PTPN4: variants seen among roughly 807,000 people sequenced by gnomAD.
PTPN4 encodes tyrosine-protein phosphatase non-receptor type 4.
In PTPN4, 49 loss-of-function variants were observed where a neutral mutation model predicts 135.5. The observed-to-expected ratio is 0.36, with a 90% CI of 0.29 to 0.46. The LOEUF is 0.46. Ranked by LOEUF, PTPN4 falls within the 20% of genes least tolerant of loss-of-function variation. PTPN4 has a pLI of 1.00. For missense variants in PTPN4, 860 were observed against 1,101.0 expected, an observed-to-expected ratio of 0.78 and a Z score of 3.10; for synonymous variants, 333 against 369.9, an observed-to-expected ratio of 0.90 and a Z score of 1.14.
At chr2:119,966,756 C>G (rs1558777450) in intron 25 of PTPN4, among the ~76,000 whole-genome samples, 1 of 152,180 alleles carries the variant, frequency 6.6e-6, no homozygotes, top group Non-Finnish European at 1.5e-5. Context: ...AAAGGCTTTG[C>G]TACTTCTAAA....
At chr2:119,762,007 A>G (rs924023592) in intron 1 of PTPN4, among the ~76,000 whole-genome samples, 4 of 152,184 alleles carry the variant, frequency 2.6e-5, no homozygotes, top group Non-Finnish European at 5.9e-5. Flanking sequence ...TTCTAATTAA[A>G]TATCTTTTAA....
chr2:119,977,066 A>C lies in PTPN4; in HGVS notation c.2777A>C (p.Lys926Thr), dbSNP rs1399180059. The change falls in exon 27 of 27, where the codon AAA (lysine) becomes ACA (threonine). Residue 926 changes from lysine (K) to threonine (T), a missense_variant. By Grantham distance (78) the Lys-to-Thr change is moderately conservative (BLOSUM62 -1). Around this residue, in one of 2 missense-constraint regions of PTPN4, gnomAD observed 176 missense variants for 294.1 expected, o/e 0.60. Coordinates refer to ENST00000263708, the MANE Select transcript of PTPN4 (RefSeq NM_002830.4). Reference protein sequence around the residue: ...FVKPLTTSTNK With the variant: ...FVKPLTTSTNT Reference sequence around the variant, plus strand: ...AAACCCTTAACAACATCAACAAATAAATAAGAAAGCAAAAAGATCTGGGAT... The same window carrying C: ...AAACCCTTAACAACATCAACAAATACATAAGAAAGCAAAAAGATCTGGGAT... The C allele has an allele frequency of 1.3e-6, 2 of 1,595,496 alleles. No homozygotes were observed. Among genetic ancestry groups the C allele is most frequent in the Non-Finnish European group, 8.5e-7 (1 of 1,174,870 alleles).
At chr2:119,860,519 A>G (rs144175833) in intron 2 of PTPN4, among the ~76,000 whole-genome samples, 15 of 152,296 alleles carry the variant, frequency 9.8e-5, no homozygotes, top group African/African-American at 2.9e-4. Context: ...TCATCTGCCA[A>G]ATTAGCTTGC....
chr2:119,835,228 A>G (rs922586734), intron 2 of PTPN4, among the ~76,000 whole-genome samples: 1 of 152,160 alleles, frequency 6.6e-6, no homozygotes, highest in Admixed American at 6.5e-5. Context: ...TCTGTCGCTC[A>G]GGCTGGAGTG....
chr2:119,919,049 G>C (rs1268910754), intron 11 of PTPN4, among the ~76,000 whole-genome samples: 1 of 152,194 alleles, frequency 6.6e-6, no homozygotes, highest in African/African-American at 2.4e-5. Flanking sequence ...AGGCAGAAGA[G>C]TGATTAACTT....
intron 1 of PTPN4, among the ~76,000 whole-genome samples, chr2:119,780,352 A>G (rs919141350): frequency 6.6e-6 from 1 of 152,202 alleles, no homozygotes; most frequent in Non-Finnish European, 1.5e-5. Flanking sequence ...CATTGACACA[A>G]TAATATTACC....
chr2:119,845,134 G>C (rs1478444758), intron 2 of PTPN4, among the ~76,000 whole-genome samples: 2 of 147,394 alleles, frequency 1.4e-5, no homozygotes, highest in Admixed American at 1.3e-4. Flanking sequence ...CACAGGCACT[G>C]GGCAGGCTGA....
At position 119,984,192 on chromosome 2, in the gene PTPN4, C is replaced by T. The variant is rs144881198; in HGVS notation, c.*7122C>T. Among the ~76,000 whole-genome samples, 27 of 152,198 alleles carry T rather than the reference C, an allele frequency of 1.8e-4. No homozygotes were observed. In the East Asian group the frequency reaches 4.2e-3, roughly 24 times the overall value. ...TACTCCTTATTCTCTACAGTGTAGG[C>T]TTAATTTTAGAACCGATAATTTACT... On this transcript the variant is annotated 3_prime_UTR_variant, in exon 27 of 27. Transcript: ENST00000263708.
chr2:119,791,438 A>C (rs1691146264), intron 1 of PTPN4, among the ~76,000 whole-genome samples: 1 of 152,080 alleles, frequency 6.6e-6, no homozygotes, highest in Non-Finnish European at 1.5e-5. Context: ...AGGCTATCTA[A>C]TTACTCTTAA....
At chr2:119,784,738 G>A (rs1464390616) in intron 1 of PTPN4, among the ~76,000 whole-genome samples, 3 of 106,740 alleles carry the variant, frequency 2.8e-5, no homozygotes, top group Admixed American at 2.5e-4. Context: ...GGGTTTTGCT[G>A]TATTGCCCAG....
chr2:119,817,116 G>A (rs933262509), intron 2 of PTPN4, among the ~76,000 whole-genome samples: 6 of 152,082 alleles, frequency 3.9e-5, no homozygotes, highest in African/African-American at 1.2e-4. Flanking sequence ...TGTTGTCTTC[G>A]TCATGAAATC....
At chr2:119,844,072 T>C (rs1677430424) in intron 2 of PTPN4, among the ~76,000 whole-genome samples, 1 of 24,042 alleles carries the variant, frequency 4.2e-5, no homozygotes, top group African/African-American at 1.9e-4. Context: ...GCCCCTCACC[T>C]CCCAGACGGG....
At chr2:119,945,548 C>T (rs1679120301) in intron 16 of PTPN4, among the ~76,000 whole-genome samples, 1 of 151,794 alleles carries the variant, frequency 6.6e-6, no homozygotes, top group South Asian at 2.1e-4. Context: ...ATAGAACATA[C>T]TGAACAAACC....
At chr2:119,831,948 AACAG>A (rs1320511910) in intron 2 of PTPN4, among the ~76,000 whole-genome samples, 1 of 152,206 alleles carries the variant, frequency 6.6e-6, no homozygotes, top group African/African-American at 2.4e-5. Flanking sequence ...GTAAGTTCTC[AACAG>A]ACAGACAATT....
At chr2:119,973,652 C>CTTTTTTTTTTTT (rs1553481271) in intron 26 of PTPN4, among the ~76,000 whole-genome samples, 9 of 18,066 alleles carry the variant, frequency 5.0e-4, no homozygotes, top group South Asian at 1.5e-3. Context: ...TCCTTCATTT[C>CTTTTTTTTTTTT]TTGTTTTTTT....
At chr2:119,834,017 C>A (rs1178921293) in intron 2 of PTPN4, among the ~76,000 whole-genome samples, 3 of 152,084 alleles carry the variant, frequency 2.0e-5, no homozygotes, top group African/African-American at 7.2e-5. Context: ...CTCTTTTTTC[C>A]AGTGCCCACC....
At chr2:119,839,954 G>C (rs1015683053) in intron 2 of PTPN4, among the ~76,000 whole-genome samples, 7 of 152,078 alleles carry the variant, frequency 4.6e-5, no homozygotes, top group African/African-American at 1.7e-4. Flanking sequence ...AAACAGGAAG[G>C]CCATTTAATT....
chr2:119,778,251 G>A (rs1287151383), intron 1 of PTPN4, among the ~76,000 whole-genome samples: 1 of 152,148 alleles, frequency 6.6e-6, no homozygotes, highest in African/African-American at 2.4e-5. Context: ...GAGGGAGAGA[G>A]GGAAAGAACT....
intron 13 of PTPN4, 23 bp from the exon 14 acceptor site, chr2:119,932,401 T>A (rs529064995): frequency 6.5e-7 from 1 of 1,548,886 alleles, no homozygotes; most frequent in Non-Finnish European, 8.7e-7. Flanking sequence ...ACTTTTAACA[T>A]ATTATTTAAT....
Sources: gnomAD v4.1 joint callset for allele counts (sites outside exome capture counted in the v4.1 genomes callset) on GRCh38, gnomAD v4.1.1 for gene constraint, gnomAD v4.1.1 regional missense constraint, MANE v1.5 for transcripts, NCBI Gene and HGNC (gene_info 2026-07-23, HGNC 2026-07-21) for gene names.